Variants in CCNY observed in about 807,000 individuals in gnomAD.
CCNY encodes the protein cyclin-Y.
A neutral mutation model predicts 42.8 loss-of-function variants in CCNY; 19 were observed. The observed-to-expected ratio is 0.44, with a 90% CI of 0.31 to 0.65. CCNY has a LOEUF of 0.65. CCNY is among the 30% of genes least tolerant of loss of function. The pLI, the probability that CCNY is intolerant of heterozygous loss-of-function variation, is 0.07. For missense variants in CCNY, 370 were observed against 437.3 expected (o/e 0.85, Z 1.37); for synonymous variants, 165 against 162.7 (o/e 1.01, Z -0.11).
upstream of CCNY, among the ~76,000 whole-genome samples, chr10:35,335,061 C>T: frequency 7.4e-6 from 1 of 134,368 alleles, no homozygotes; most frequent in Admixed American, 7.6e-5. Context: ...CCAGCTCCCA[C>T]CCCCACCCCC....
At chr10:35,560,629 CA>C in intron 8 of CCNY, among the ~76,000 whole-genome samples, 1 of 152,274 alleles carries the variant, frequency 6.6e-6, no homozygotes, top group East Asian at 1.9e-4. Flanking sequence ...GCAGCTCTTG[CA>C]AACTAATACA....
intron 1 of CCNY, among the ~76,000 whole-genome samples, chr10:35,389,990 A>G (rs529719757): frequency 6.6e-6 from 1 of 152,378 alleles, no homozygotes; most frequent in South Asian, 2.1e-4. Flanking sequence ...TCACTTAGTC[A>G]TAAATCAGCT....
intron 1 of CCNY, among the ~76,000 whole-genome samples, chr10:35,438,603 G>A (rs1245340004): frequency 6.6e-6 from 1 of 152,164 alleles, no homozygotes; most frequent in African/African-American, 2.4e-5. Context: ...TTTGGTACAT[G>A]TGGGAGCTAT....
chr10:35,308,286 T>A (rs1338103854), intron 3 of CCNY, among the ~76,000 whole-genome samples: 1 of 151,362 alleles, frequency 6.6e-6, no homozygotes, highest in Non-Finnish European at 1.5e-5. Flanking sequence ...CAGTGGCTCA[T>A]GCATGCCTGT....
At chr10:35,355,727 CAAGGT>C (rs1219364138) in intron 1 of CCNY, among the ~76,000 whole-genome samples, 1 of 114,248 alleles carries the variant, frequency 8.8e-6, no homozygotes, top group Non-Finnish European at 1.8e-5. Context: ...AGTGGAAAAG[CAAGGT>C]TTTCTATATT....
intron 2 of CCNY, among the ~76,000 whole-genome samples, chr10:35,250,207 A>AAT (rs1439328074): frequency 3.0e-4 from 46 of 151,054 alleles, no homozygotes; most frequent in African/African-American, 1.1e-3. Flanking sequence ...AAAAAAAAAA[A>AAT]AAAAAGAAGT....
At position 35,494,236 on chromosome 10, in the gene CCNY, C is replaced by CCA. The variant is rs962704890; in HGVS notation, c.230-7264_230-7263insAC. On this transcript the variant is annotated intron_variant, in intron 2 of 9. Transcript: ENST00000374704. Reference sequence around the variant, plus strand: ...ACCAGCCTGGACAGCATAGTGAGACCCCCCCCCCCATTTCTACAAAAAAAT... The same window carrying CCA: ...ACCAGCCTGGACAGCATAGTGAGACCCACCCCCCCCCATTTCTACAAAAAAAT... Among the ~76,000 whole-genome samples, 40 of 131,226 alleles carry CCA rather than the reference C, an allele frequency of 3.0e-4. 1 individual carries two copies. The highest frequency in any genetic ancestry group is 5.2e-4 in the Admixed American group (7 of 13,560). 86.1% of individuals were successfully genotyped at this position (131,226 alleles called of 152,430 possible).
intron 4 of CCNY, among the ~76,000 whole-genome samples, chr10:35,517,720 TC>T (rs1230838245): frequency 6.6e-6 from 1 of 152,164 alleles, no homozygotes; most frequent in African/African-American, 2.4e-5. Context: ...CTTCCTTACT[TC>T]CTCAGCACCG....
intron 1 of CCNY, among the ~76,000 whole-genome samples, chr10:35,470,856 G>A (rs1839378181): frequency 6.6e-6 from 1 of 152,142 alleles, no homozygotes; most frequent in South Asian, 2.1e-4. Context: ...GACAATAATA[G>A]CAACAAAAGA....
At chr10:35,339,539 T>G (rs1836128397) in intron 1 of CCNY, among the ~76,000 whole-genome samples, 1 of 152,214 alleles carries the variant, frequency 6.6e-6, no homozygotes, top group Non-Finnish European at 1.5e-5. Context: ...TAAAACTACA[T>G]TTTAAGAATC....
intron 4 of CCNY, among the ~76,000 whole-genome samples, chr10:35,522,496 A>C (rs1469205467): frequency 1.3e-5 from 2 of 152,200 alleles, no homozygotes; most frequent in African/African-American, 4.8e-5. Flanking sequence ...ATCTCTGGGC[A>C]AGGGCAATAA....
At chr10:35,428,734 G>A (rs1838322291) in intron 1 of CCNY, among the ~76,000 whole-genome samples, 1 of 152,100 alleles carries the variant, frequency 6.6e-6, no homozygotes, top group Non-Finnish European at 1.5e-5. Context: ...TGGAAGTGAA[G>A]AGAAGTGATG....
At chr10:35,450,412 C>T (rs1410946744) in intron 1 of CCNY, among the ~76,000 whole-genome samples, 2 of 152,098 alleles carry the variant, frequency 1.3e-5, no homozygotes, top group Admixed American at 1.3e-4. Context: ...GGGATGTGTG[C>T]TCCCTGGGAT....
At chr10:35,458,982 G>A (rs1052741870) in intron 1 of CCNY, among the ~76,000 whole-genome samples, 1 of 152,176 alleles carries the variant, frequency 6.6e-6, no homozygotes, top group Admixed American at 6.5e-5. Flanking sequence ...GACCAAACCT[G>A]AGAAGCAGAA....
At chr10:35,347,607 A>G (rs1836334268) in intron 1 of CCNY, 1 of 170,774 alleles carries the variant, frequency 5.9e-6, no homozygotes, top group African/African-American at 2.4e-5. Context: ...TTTTGTTTAT[A>G]TTTGGTAAGC....
chr10:35,259,892 CT>C (rs34394998), intron 3 of CCNY, among the ~76,000 whole-genome samples: 274 of 145,790 alleles, frequency 1.9e-3, no homozygotes, highest in South Asian at 3.3e-3. Context: ...AAACAACATA[CT>C]TTTTTTTTTT....
intron 8 of CCNY, among the ~76,000 whole-genome samples, 193 bp downstream of exon 8, chr10:35,553,378 A>T (rs1841300027): frequency 6.6e-6 from 1 of 152,150 alleles, no homozygotes; most frequent in South Asian, 2.1e-4. Context: ...CATCATGTGG[A>T]TCTTGAACAG....
At chr10:35,352,938 T>G (rs1836459934) in intron 1 of CCNY, among the ~76,000 whole-genome samples, 1 of 152,150 alleles carries the variant, frequency 6.6e-6, no homozygotes, top group Admixed American at 6.5e-5. Context: ...TCTTTCTTTC[T>G]TTTTTGAGAT....
chr10:35,337,856 C>T (rs182041417), intron 1 of CCNY, among the ~76,000 whole-genome samples: 1 of 151,890 alleles, frequency 6.6e-6, no homozygotes, highest in East Asian at 1.9e-4. Flanking sequence ...TGCATGGGCC[C>T]GAATTGCAGT....
Sources: gnomAD v4.1 joint callset for allele counts (sites outside exome capture counted in the v4.1 genomes callset) on GRCh38, gnomAD v4.1.1 for gene constraint, MANE v1.5 for transcripts, NCBI Gene and HGNC (gene_info 2026-07-23, HGNC 2026-07-21) for gene names.